RGS6: variants seen among roughly 807,000 people sequenced by gnomAD.
The protein encoded by RGS6 is regulator of G-protein signaling 6.
In RGS6, 30 loss-of-function variants were observed where a neutral mutation model predicts 78.5. The ratio of observed to expected loss-of-function variants is 0.38; its 90% CI spans 0.29 to 0.52. The LOEUF is 0.52. RGS6 is among the 20% of genes least tolerant of loss of function. RGS6 has a pLI of 0.85. For missense variants in RGS6, 495 were observed against 609.7 expected (o/e 0.81, Z 1.98); for synonymous variants, 206 against 206.0 (o/e 1.00, Z 0.00).
intron 3 of RGS6, among the ~76,000 whole-genome samples, chr14:72,423,327 C>T (rs545498141): frequency 1.4e-4 from 22 of 152,296 alleles, no homozygotes; most frequent in East Asian, 1.3e-3. Context: ...CTCAGGCTCA[C>T]GCTGATGGCC....
intron 3 of RGS6, among the ~76,000 whole-genome samples, chr14:72,416,079 C>T (rs1314711298): frequency 5.4e-5 from 8 of 147,608 alleles, no homozygotes; most frequent in East Asian, 4.0e-4. Context: ...ACCCGGGAGG[C>T]GGAGGTTGCA....
chr14:72,505,267 A>G (rs908409587), intron 13 of RGS6, among the ~76,000 whole-genome samples: 10 of 152,138 alleles, frequency 6.6e-5, no homozygotes, highest in African/African-American at 2.2e-4. Context: ...ACAGAAATTT[A>G]TTTCTCACAG....
chr14:72,409,710 C>G (rs2093248120), intron 3 of RGS6, among the ~76,000 whole-genome samples: 1 of 152,072 alleles, frequency 6.6e-6, no homozygotes, highest in African/African-American at 2.4e-5. Flanking sequence ...CTATCCCTCC[C>G]CTCTCCCCCA....
intron 15 of RGS6, among the ~76,000 whole-genome samples, chr14:72,525,034 T>C (rs1300649151): frequency 6.6e-6 from 1 of 152,232 alleles, no homozygotes; most frequent in African/African-American, 2.4e-5. Flanking sequence ...TTGAAAGTTA[T>C]TTCATGGGAG....
chr14:72,530,213 C>T (rs1026590873), intron 15 of RGS6, among the ~76,000 whole-genome samples: 1 of 152,142 alleles, frequency 6.6e-6, no homozygotes, highest in African/African-American at 2.4e-5. Flanking sequence ...GAAGTCAGAA[C>T]AAGAAGCAGG....
chr14:72,545,712 GA>G (rs1482000020), intron 17 of RGS6, among the ~76,000 whole-genome samples: 1 of 152,142 alleles, frequency 6.6e-6, no homozygotes, highest in Admixed American at 6.5e-5. Context: ...ACAAAGCCTG[GA>G]CATGCACTGG....
chr14:72,131,043 G>A (rs142563254), intron 2 of RGS6, among the ~76,000 whole-genome samples: 10 of 152,334 alleles, frequency 6.6e-5, no homozygotes, highest in South Asian at 4.1e-4. Flanking sequence ...ACACTTGACC[G>A]ACTGTCTCCA....
At chr14:72,299,247 A>G (rs1186813587) in intron 2 of RGS6, among the ~76,000 whole-genome samples, 1 of 152,204 alleles carries the variant, frequency 6.6e-6, no homozygotes, top group Admixed American at 6.5e-5. Flanking sequence ...CCTAACAAGA[A>G]ATCGTGGTGC....
chr14:72,588,055 T>C, the RGS6 span, among the ~76,000 whole-genome samples: 1 of 152,100 alleles, frequency 6.6e-6, no homozygotes, highest in Non-Finnish European at 1.5e-5. Flanking sequence ...GGAGCTCGGG[T>C]ACAATTCTCC....
intron 2 of RGS6, among the ~76,000 whole-genome samples, chr14:72,257,520 G>A (rs192569877): frequency 6.6e-6 from 1 of 152,134 alleles, no homozygotes; most frequent in Non-Finnish European, 1.5e-5. Flanking sequence ...AGAAGTGAGG[G>A]TTAAAAAATT....
chr14:72,222,081 A>G (rs891353763), intron 2 of RGS6, among the ~76,000 whole-genome samples: 1 of 152,240 alleles, frequency 6.6e-6, no homozygotes, highest in African/African-American at 2.4e-5. Flanking sequence ...GAGGGATATG[A>G]ACTAATCAAC....
intron 2 of RGS6, among the ~76,000 whole-genome samples, chr14:72,160,106 G>A (rs1199613088): frequency 1.3e-5 from 2 of 152,158 alleles, no homozygotes; most frequent in African/African-American, 4.8e-5. Flanking sequence ...CTGGAAAATA[G>A]TAGGTGCCCA....
chr14:71,966,383 A>C (rs1489548665), intron 2 of RGS6, among the ~76,000 whole-genome samples: 1 of 152,226 alleles, frequency 6.6e-6, no homozygotes. Context: ...ATCTCTAAGA[A>C]TCATGCTTAT....
chr14:72,349,346 G>T (rs552320167), intron 2 of RGS6, among the ~76,000 whole-genome samples: 1 of 152,256 alleles, frequency 6.6e-6, no homozygotes, highest in East Asian at 1.9e-4. Flanking sequence ...GAGGGCAAGA[G>T]AAGGGAGTAA....
chr14:72,299,222 G>T (rs2065540352), intron 2 of RGS6, among the ~76,000 whole-genome samples: 1 of 152,094 alleles, frequency 6.6e-6, no homozygotes. Flanking sequence ...GCTAATTTTA[G>T]AACATTTTTA....
At chr14:72,195,874 C>A (rs1046883383) in intron 2 of RGS6, among the ~76,000 whole-genome samples, 1 of 152,214 alleles carries the variant, frequency 6.6e-6, no homozygotes, top group African/African-American at 2.4e-5. Flanking sequence ...CAAGGCAAGG[C>A]AGTGGGTACA....
the RGS6 span, among the ~76,000 whole-genome samples, chr14:71,917,861 G>C: frequency 3.3e-5 from 5 of 151,940 alleles, no homozygotes; most frequent in Admixed American, 6.6e-5. Flanking sequence ...ACTTCTTAGC[G>C]GTGGGGTTTT....
At chr14:72,416,519 A>G (rs531210065) in intron 3 of RGS6, among the ~76,000 whole-genome samples, 2 of 152,336 alleles carry the variant, frequency 1.3e-5, no homozygotes, top group East Asian at 3.9e-4. Flanking sequence ...AACTAAAACT[A>G]TAAAGTGATT....
In RGS6 at chr14:72,327,355, GA is replaced by G. The variant is rs566625849; in HGVS notation, c.85-24737del. Among the ~76,000 whole-genome samples, 1,214 of 152,226 alleles carry G rather than the reference GA, an allele frequency of 8.0e-3. 17 individuals carry two copies. Among genetic ancestry groups the G allele is most frequent in the African/African-American group, 0.028 (1,151 of 41,518 alleles). ...TCAGAGCTACATGAGATAATCATGGGAAAGTACCTGGAAATTACATGTAATT... is the reference window on the plus strand; with the variant it reads ...TCAGAGCTACATGAGATAATCATGGGAAGTACCTGGAAATTACATGTAATT... On this transcript the variant is annotated intron_variant, in intron 2 of 17. Coordinates refer to ENST00000553525, the MANE Select transcript of RGS6 (RefSeq NM_001204424.2).
Sources: gnomAD v4.1 joint callset for allele counts (sites outside exome capture counted in the v4.1 genomes callset) on GRCh38, gnomAD v4.1.1 for gene constraint, MANE v1.5 for transcripts, NCBI Gene and HGNC (gene_info 2026-07-23, HGNC 2026-07-21) for gene names.